FOXP1: variants seen among roughly 807,000 people sequenced by gnomAD.
FOXP1 encodes forkhead box P1.
In FOXP1, 15 loss-of-function variants were observed where a neutral mutation model predicts 98.2. The observed-to-expected ratio is 0.15, with a 90% CI of 0.10 to 0.24. The LOEUF is 0.24. Ranked by LOEUF, FOXP1 falls within the 10% of genes least tolerant of loss-of-function variation. The pLI, the probability that FOXP1 is intolerant of heterozygous loss-of-function variation, is 1.00. For missense variants in FOXP1, 633 were observed against 848.5 expected, an observed-to-expected ratio of 0.75 and a Z score of 3.15; for synonymous variants, 371 against 314.5, an observed-to-expected ratio of 1.18 and a Z score of -1.90.
intron 5 of FOXP1, among the ~76,000 whole-genome samples, chr3:71,273,655 G>C (rs924425777): frequency 5.3e-5 from 8 of 152,132 alleles, no homozygotes; most frequent in African/African-American, 9.7e-5. Flanking sequence ...CTAATGGGGG[G>C]ATGACTGCTT....
At chr3:71,330,705 G>A (rs1386051423) in intron 4 of FOXP1, among the ~76,000 whole-genome samples, 2 of 152,222 alleles carry the variant, frequency 1.3e-5, no homozygotes, top group Non-Finnish European at 1.5e-5. Flanking sequence ...GGAATATTAT[G>A]CAGCCATTAA....
At chr3:71,085,626 C>T (rs1035756892) in intron 7 of FOXP1, among the ~76,000 whole-genome samples, 7 of 151,094 alleles carry the variant, frequency 4.6e-5, no homozygotes, top group Admixed American at 3.3e-4. Flanking sequence ...ATTCTAATAA[C>T]ATTATTAGCA....
At chr3:71,374,599 A>AT (rs1295562406) in intron 3 of FOXP1, among the ~76,000 whole-genome samples, 24 of 141,104 alleles carry the variant, frequency 1.7e-4, no homozygotes, top group Non-Finnish European at 3.0e-4. Flanking sequence ...TGTCTCAAAA[A>AT]AAAAAATAAA....
intron 2 of FOXP1, chr3:71,568,079 G>A (rs1298487670): frequency 7.5e-6 from 1 of 134,148 alleles, no homozygotes; most frequent in Non-Finnish European, 1.6e-5. Context: ...GGAGGAGAGG[G>A]GAGGGGAAAT....
chr3:71,123,326 G>A (rs1168784429), intron 6 of FOXP1, among the ~76,000 whole-genome samples: 8 of 152,120 alleles, frequency 5.3e-5, no homozygotes, highest in Non-Finnish European at 1.5e-5. Context: ...GAATTAACAA[G>A]CCCAGCTATC....
chr3:71,259,119 G>A (rs2068881514), intron 5 of FOXP1, among the ~76,000 whole-genome samples: 1 of 152,032 alleles, frequency 6.6e-6, no homozygotes, highest in African/African-American at 2.4e-5. Context: ...ACTCCAACCT[G>A]GGTGACAGAG....
chr3:71,008,218 A>G (rs888326945), intron 12 of FOXP1, among the ~76,000 whole-genome samples: 1 of 152,138 alleles, frequency 6.6e-6, no homozygotes, highest in Non-Finnish European at 1.5e-5. Context: ...AAACAGGGAA[A>G]TGTGGTCAGG....
chr3:70,967,710 GTTTTTTTTTT>G (rs756777959), intron 19 of FOXP1, among the ~76,000 whole-genome samples: 14 of 68,880 alleles, frequency 2.0e-4, no homozygotes, highest in South Asian at 1.8e-3. Flanking sequence ...GTTTTTTTTT[GTTTTTTTTTT>G]TTTTTTTTGC....
At chr3:71,458,177 T>A (rs2087681733) in intron 3 of FOXP1, among the ~76,000 whole-genome samples, 1 of 152,196 alleles carries the variant, frequency 6.6e-6, no homozygotes, top group Non-Finnish European at 1.5e-5. Flanking sequence ...AGCTATATAA[T>A]ACTCCAACAA....
At chr3:71,294,598 ATGTATGTATGTACATACATC>A (rs1043411375) in intron 5 of FOXP1, among the ~76,000 whole-genome samples, 55 of 152,148 alleles carry the variant, frequency 3.6e-4, no homozygotes, top group Admixed American at 2.2e-3. Flanking sequence ...GAATTAATAT[ATGTATGTATGTACATACATC>A]TGTATGTATG....
chr3:71,024,186 C>T (rs2045816713), intron 11 of FOXP1, among the ~76,000 whole-genome samples: 1 of 152,156 alleles, frequency 6.6e-6, no homozygotes, highest in African/African-American at 2.4e-5. Context: ...AACGTGGGAA[C>T]AGGAGAAACG....
intron 4 of FOXP1, among the ~76,000 whole-genome samples, chr3:71,310,358 T>G (rs771032592): frequency 1.3e-5 from 2 of 152,226 alleles, no homozygotes; most frequent in Non-Finnish European, 2.9e-5. Flanking sequence ...ATACTTTTCA[T>G]GGAAATCTCA....
At position 71,537,495 on chromosome 3, in the gene FOXP1, C is replaced by T. The variant is rs185275044; in HGVS notation, c.-297-43940G>A. Among the ~76,000 whole-genome samples the T allele has an allele frequency of 3.5e-3, 535 of 152,290 alleles. 3 individuals are homozygous for T. Among genetic ancestry groups the T allele is most frequent in the African/African-American group, 0.012 (490 of 41,544 alleles). ...CACCAGGCAGGCGCAGAGGCCAAGT[C>T]GGAGAAGCATGCAGTGACCTGCACA... On this transcript the variant is annotated intron_variant, in intron 2 of 20. Coordinates refer to ENST00000649528, the MANE Select transcript of FOXP1 (RefSeq NM_001349338.3).
intron 20 of FOXP1, among the ~76,000 whole-genome samples, chr3:70,959,865 T>G (rs1000182576): frequency 6.6e-6 from 1 of 152,204 alleles, no homozygotes; most frequent in Non-Finnish European, 1.5e-5. Flanking sequence ...AGCCCCCAAG[T>G]GATGCCGGTG....
At chr3:71,174,826 A>ACACACAC (rs1050762895) in intron 6 of FOXP1, among the ~76,000 whole-genome samples, 1 of 147,228 alleles carries the variant, frequency 6.8e-6, no homozygotes, top group African/African-American at 2.6e-5. Context: ...ACACACACAC[A>ACACACAC]CCCCAATATA....
intron 6 of FOXP1, among the ~76,000 whole-genome samples, chr3:71,194,661 C>T (rs761495971): frequency 6.6e-6 from 1 of 151,688 alleles, no homozygotes; most frequent in Non-Finnish European, 1.5e-5. Flanking sequence ...AGTGCACATC[C>T]AATACAACTT....
intron 5 of FOXP1, among the ~76,000 whole-genome samples, chr3:71,287,657 G>A (rs1185761704): frequency 6.6e-6 from 1 of 151,756 alleles, no homozygotes; most frequent in Non-Finnish European, 1.5e-5. Context: ...GCGGGAATCT[G>A]TAATCCCAGC....
chr3:71,434,281 G>A (rs915612114), intron 3 of FOXP1, among the ~76,000 whole-genome samples: 38 of 149,862 alleles, frequency 2.5e-4, no homozygotes, highest in African/African-American at 8.6e-4. Context: ...GAGCCCCCCC[G>A]AAGACTTGTT....
At chr3:70,982,963 A>C (rs2039123113) in intron 14 of FOXP1, among the ~76,000 whole-genome samples, 1 of 152,192 alleles carries the variant, frequency 6.6e-6, no homozygotes, top group East Asian at 1.9e-4. Context: ...GGGCTCACAG[A>C]ACTTGTTTTT....
Sources: allele counts gnomAD v4.1 joint callset (sites outside exome capture counted in the v4.1 genomes callset), GRCh38; gene constraint gnomAD v4.1.1; transcripts MANE v1.5; gene names NCBI Gene and HGNC (gene_info 2026-07-23, HGNC 2026-07-21).